CAMTA1: variants seen among roughly 807,000 people sequenced by gnomAD.
The protein encoded by CAMTA1 is calmodulin-binding transcription activator 1.
CAMTA1 carries 27 observed loss-of-function variants against 170.9 expected under a neutral mutation model. That is an observed-to-expected ratio of 0.16 (90% confidence interval 0.12 to 0.22). CAMTA1 has a LOEUF of 0.22. CAMTA1 is among the 10% of genes least tolerant of loss of function. The pLI is 1.00. For missense variants in CAMTA1, 1,619 were observed against 2,217.2 expected (o/e 0.73, Z 5.42); for synonymous variants, 833 against 891.5 (o/e 0.93, Z 1.17).
At chr1:7,589,398 T>C (rs1314611723) in intron 6 of CAMTA1, among the ~76,000 whole-genome samples, 1 of 152,182 alleles carries the variant, frequency 6.6e-6, no homozygotes, top group Non-Finnish European at 1.5e-5. Flanking sequence ...AAGTCAATTT[T>C]CCTGTGACAT....
chr1:7,258,443 C>A (rs1348396817), intron 5 of CAMTA1, among the ~76,000 whole-genome samples: 2 of 152,138 alleles, frequency 1.3e-5, no homozygotes, highest in African/African-American at 4.8e-5. Context: ...GAAATTTTAG[C>A]ATATTCAGTT....
chr1:7,118,290 C>CTTTTTTTTT (rs58318758), intron 4 of CAMTA1, among the ~76,000 whole-genome samples: 2 of 112,502 alleles, frequency 1.8e-5, no homozygotes, highest in Non-Finnish European at 3.5e-5. Flanking sequence ...TCTTGGCATC[C>CTTTTTTTTT]TTTTTTTTTT....
rs749875732 is a variant in CAMTA1 at position 6,825,164 on chromosome 1, A to C, written c.188A>C (p.Lys63Thr). The change falls in exon 3 of 23, where the codon AAA (lysine) becomes ACA (threonine). Residue 63 changes from lysine to threonine, a missense_variant. Physicochemically the swap from Lys to Thr is moderately conservative, Grantham distance 78. This residue lies in a region of CAMTA1 where 97 missense variants were observed against 225.4 expected (regional missense o/e 0.43). Coordinates refer to ENST00000303635, the MANE Select transcript of CAMTA1 (RefSeq NM_015215.4). The stretch of plus-strand genomic sequence containing the variant: ...AAAAAGCTGCTTGAATGTCTGCCGA[A>C]ATGTTCAAGTTTACCAAAAGAGAGG... The part of the protein sequence containing the change: ...LPKKLLECLP[K>T]CSSLPKERHR... 1 of 1,611,814 alleles carries C rather than the reference A, an allele frequency of 6.2e-7. No homozygotes were observed. The highest frequency in any genetic ancestry group is 8.5e-7 in the Non-Finnish European group (1 of 1,179,196).
chr1:7,574,772 G>C (rs997532170), intron 6 of CAMTA1, among the ~76,000 whole-genome samples: 4 of 152,150 alleles, frequency 2.6e-5, no homozygotes, highest in Non-Finnish European at 5.9e-5. Context: ...CAGGTGTCAG[G>C]CTGGCTGAGA....
chr1:7,692,478 C>T (rs1460393071), intron 11 of CAMTA1, among the ~76,000 whole-genome samples: 1 of 152,032 alleles, frequency 6.6e-6, no homozygotes, highest in African/African-American at 2.4e-5. Flanking sequence ...CTGTAATGCC[C>T]CTGACCCAGT....
chr1:7,752,130 A>G (rs911760494), intron 20 of CAMTA1, among the ~76,000 whole-genome samples: 1 of 152,248 alleles, frequency 6.6e-6, no homozygotes, highest in African/African-American at 2.4e-5. Context: ...AGCCTCTCTA[A>G]TGCCAGAATG....
intron 12 of CAMTA1, among the ~76,000 whole-genome samples, chr1:7,734,541 CAA>C (rs34500510): frequency 0.46 from 68,023 of 148,488 alleles, 15,784 homozygotes; most frequent in Admixed American, 0.57. Flanking sequence ...TTGTTTAATA[CAA>C]AAAAAAAAAA....
intron 22 of CAMTA1, among the ~76,000 whole-genome samples, chr1:7,764,821 G>A (rs954616003): frequency 6.6e-6 from 1 of 152,018 alleles, no homozygotes; most frequent in Non-Finnish European, 1.5e-5. Flanking sequence ...TTAGCTAGGC[G>A]TGGTGGTGCG....
chr1:7,335,156 GGTGGGGGT>G (rs1557537593), intron 5 of CAMTA1, among the ~76,000 whole-genome samples: 8 of 90,116 alleles, frequency 8.9e-5, no homozygotes, highest in East Asian at 7.0e-4. Context: ...GGGGGGGGGG[GGTGGGGGT>G]GGGGGGTGTC....
intron 5 of CAMTA1, among the ~76,000 whole-genome samples, chr1:7,409,654 T>G (rs2090563709): frequency 6.6e-6 from 1 of 152,160 alleles, no homozygotes; most frequent in South Asian, 2.1e-4. Flanking sequence ...GATTGCCGTC[T>G]CCACAGGGAG....
chr1:7,546,368 G>A lies in CAMTA1; in HGVS notation c.510+78467G>A, dbSNP rs189352971. The stretch of plus-strand genomic sequence containing the variant: ...TTATGGCTGTATAGTATTCAATGGT[G>A]TATATGTACCACATTTTTAAAATCC... On this transcript the variant is annotated intron_variant, in intron 6 of 22. Coordinates refer to ENST00000303635, the MANE Select transcript of CAMTA1 (RefSeq NM_015215.4). Among the ~76,000 whole-genome samples, 751 of 152,314 alleles carry A rather than the reference G, an allele frequency of 4.9e-3. 31 individuals carry two copies. The highest frequency in any genetic ancestry group is 0.043 in the Admixed American group (665 of 15,290).
rs2092594274 is a variant in CAMTA1, at chr1:7,443,246, C to T, written c.439-24584C>T. ...GATGATCTGCATGAAGTCCATTTCC[C>T]CACTTTCGTGGGGTACAGTCCCCTT... On this transcript the variant is annotated intron_variant, in intron 5 of 22. Transcript: ENST00000303635. The surrounding 1 kb of genome is among the most constrained non-coding windows in gnomAD (Gnocchi z 4.1). 6.6e-6 allele frequency among the ~76,000 whole-genome samples: 1 copy of T among 152,346 alleles called. No homozygotes were observed. Among genetic ancestry groups the T allele is most frequent in the African/African-American group, 2.4e-5 (1 of 41,580 alleles).
intron 4 of CAMTA1, among the ~76,000 whole-genome samples, chr1:7,235,117 T>C (rs1300917221): frequency 6.6e-6 from 1 of 152,058 alleles, no homozygotes; most frequent in Non-Finnish European, 1.5e-5. Context: ...GACTCTGAGT[T>C]CTGGAAGCCC....
intron 3 of CAMTA1, among the ~76,000 whole-genome samples, chr1:6,943,863 A>AG (rs1687135426): frequency 1.9e-5 from 2 of 103,800 alleles, no homozygotes; most frequent in South Asian, 2.9e-4. Flanking sequence ...AAAAAAAAAA[A>AG]AAAAAGAAAA....
intron 3 of CAMTA1, among the ~76,000 whole-genome samples, chr1:6,969,113 G>A (rs1692081832): frequency 6.6e-6 from 1 of 152,216 alleles, no homozygotes; most frequent in Non-Finnish European, 1.5e-5. Flanking sequence ...GAGATACATA[G>A]GGGTCCTTGC....
chr1:6,992,845 C>T (rs566012312), intron 3 of CAMTA1, among the ~76,000 whole-genome samples: 16 of 152,336 alleles, frequency 1.1e-4, no homozygotes, highest in Non-Finnish European at 2.2e-4. Context: ...TACAATTTGG[C>T]ATGATATTTG....
At position 7,413,907 on chromosome 1, in the gene CAMTA1, T is replaced by C. The variant is rs2090973765; in HGVS notation, c.439-53923T>C. Among the ~76,000 whole-genome samples the C allele has an allele frequency of 2.6e-5, 4 of 152,334 alleles. No individual in the cohort carries two copies. In the South Asian group the frequency reaches 8.3e-4, roughly 32 times the overall value. On this transcript the variant is annotated intron_variant, in intron 5 of 22. Coordinates refer to ENST00000303635, the MANE Select transcript of CAMTA1 (RefSeq NM_015215.4). ...TGGCTGTGGGTTTGTCATAGATAAC[T>C]CTTATGATTTTGACGTACATCCCAT...
intron 6 of CAMTA1, among the ~76,000 whole-genome samples, chr1:7,487,078 A>G (rs1394412968): frequency 1.3e-5 from 2 of 152,242 alleles, no homozygotes; most frequent in East Asian, 3.8e-4. Context: ...GGCACATAGT[A>G]GATGCTCAAT....
At chr1:7,196,103 G>A (rs958202792) in intron 4 of CAMTA1, among the ~76,000 whole-genome samples, 1 of 152,162 alleles carries the variant, frequency 6.6e-6, no homozygotes, top group Non-Finnish European at 1.5e-5. Context: ...TGCAGGAGGT[G>A]ATTGAATCAC....
Sources: gnomAD v4.1 joint callset for allele counts (sites outside exome capture counted in the v4.1 genomes callset) on GRCh38, gnomAD v4.1.1 for gene constraint, gnomAD v4.1.1 regional missense constraint, Gnocchi (gnomAD v3.1) non-coding constraint, MANE v1.5 for transcripts, NCBI Gene and HGNC (gene_info 2026-07-23, HGNC 2026-07-21) for gene names.